CAST: variants seen among roughly 807,000 people sequenced by gnomAD.
The protein encoded by CAST is calpastatin.
A neutral mutation model predicts 119.6 loss-of-function variants in CAST; 76 were observed. That is an observed-to-expected ratio of 0.64 (90% CI 0.53 to 0.77). The LOEUF (loss-of-function observed/expected upper bound fraction) is 0.77, where lower values mean the gene tolerates loss of function less well. CAST is among the 30% of genes least tolerant of loss of function. CAST has a pLI of 0.00. For synonymous variants in CAST, 319 were observed against 331.6 expected, an observed-to-expected ratio of 0.96 and a Z score of 0.41; for missense variants, 953 against 946.5, an observed-to-expected ratio of 1.01 and a Z score of -0.09.
chr5:96,037,845 G>T, the CAST span, among the ~76,000 whole-genome samples: 1 of 152,068 alleles, frequency 6.6e-6, no homozygotes, highest in African/African-American at 2.4e-5. Flanking sequence ...TGCCTGGGGT[G>T]GATATCTAAG....
At chr5:96,636,049 A>T (rs1747880511) in intron 1 of CAST, among the ~76,000 whole-genome samples, 1 of 152,058 alleles carries the variant, frequency 6.6e-6, no homozygotes, top group Non-Finnish European at 1.5e-5. Flanking sequence ...TTCCTCTGTG[A>T]CTCTACTTCC....
chr5:96,755,999 T>G (rs946037220), intron 22 of CAST, among the ~76,000 whole-genome samples: 1 of 152,178 alleles, frequency 6.6e-6, no homozygotes, highest in Non-Finnish European at 1.5e-5. Flanking sequence ...GTAGTAGTGT[T>G]TAAGGAAGCA....
the CAST span, among the ~76,000 whole-genome samples, chr5:96,261,109 G>T: frequency 6.6e-6 from 1 of 152,116 alleles, no homozygotes; most frequent in Non-Finnish European, 1.5e-5. Context: ...CATGTGTTTT[G>T]CATCTCATTA....
the CAST span, chr5:96,410,713 A>G: frequency 1.3e-4 from 179 of 1,346,140 alleles, 1 homozygote; most frequent in East Asian, 3.7e-3. Context: ...TAGGGGAATC[A>G]TTTCACATGC....
chr5:96,260,066 C>T, the CAST span, among the ~76,000 whole-genome samples: 2 of 151,924 alleles, frequency 1.3e-5, no homozygotes, highest in African/African-American at 2.4e-5. Context: ...TTCTCAACCC[C>T]GCAGACATTA....
intron 1 of CAST, among the ~76,000 whole-genome samples, chr5:96,602,216 G>A (rs560383092): frequency 6.6e-6 from 1 of 152,212 alleles, no homozygotes; most frequent in Non-Finnish European, 1.5e-5. Flanking sequence ...GACATGACAA[G>A]TGTACATAGC....
chr5:96,426,075 G>A, the CAST span: 2 of 679,180 alleles, frequency 2.9e-6, no homozygotes, highest in Non-Finnish European at 5.3e-6. Context: ...TGGCACCTCA[G>A]TGAGAAGAAG....
chr5:96,055,856 A>T, the CAST span, among the ~76,000 whole-genome samples: 1 of 152,096 alleles, frequency 6.6e-6, no homozygotes, highest in South Asian at 2.1e-4. Context: ...ATAAAAATGG[A>T]GATAATAGGT....
At chr5:96,290,744 T>C in the CAST span, among the ~76,000 whole-genome samples, 3 of 152,226 alleles carry the variant, frequency 2.0e-5, no homozygotes, top group Non-Finnish European at 4.4e-5. Flanking sequence ...CCTTTCTCAG[T>C]TGGGGCAAGC....
At chr5:96,610,513 A>G (rs148640832) in intron 1 of CAST, among the ~76,000 whole-genome samples, 173 of 152,326 alleles carry the variant, frequency 1.1e-3, no homozygotes, top group African/African-American at 3.0e-3. Flanking sequence ...TCAAAGGAAC[A>G]TACCTCAAAA....
chr5:96,296,946 A>G, the CAST span, among the ~76,000 whole-genome samples: 4 of 152,144 alleles, frequency 2.6e-5, no homozygotes, highest in African/African-American at 7.2e-5. Context: ...TTGCTTCTCT[A>G]CATTCGATAA....
chr5:96,211,152 T>C, the CAST span, among the ~76,000 whole-genome samples: 1 of 152,142 alleles, frequency 6.6e-6, no homozygotes, highest in South Asian at 2.1e-4. Context: ...ATGTAATTTT[T>C]ATTTCCTTTT....
chr5:96,747,260 C>A, intron 17 of CAST, 85 bp from the exon 18 acceptor site: 1 of 739,784 alleles, frequency 1.4e-6, no homozygotes, highest in Non-Finnish European at 2.4e-6. Flanking sequence ...CATTTCATAT[C>A]CTGGAATTCC....
chr5:96,760,887 C>T (rs910192832), intron 24 of CAST: 10 of 151,618 alleles, frequency 6.6e-5, no homozygotes, highest in East Asian at 3.8e-4. Context: ...ATGATACATT[C>T]GGAAAATAAA....
the CAST span, among the ~76,000 whole-genome samples, chr5:96,095,556 C>CAAAAA: frequency 8.7e-5 from 5 of 57,542 alleles, no homozygotes; most frequent in Admixed American, 2.9e-4. Context: ...GACTCTGTTT[C>CAAAAA]AAAAAAAAAA....
chr5:96,267,919 T>G, the CAST span, among the ~76,000 whole-genome samples: 3 of 152,146 alleles, frequency 2.0e-5, no homozygotes, highest in Non-Finnish European at 4.4e-5. Context: ...AAAGTCAAAA[T>G]GTAGGAGGTA....
rs778524450 is a variant in CAST, at chr5:96,746,369, A to G, written c.1228A>G (p.Lys410Glu). Residue 410 changes from lysine (K) to glutamate (E), a missense_variant, in exon 17 of 32, where the codon AAG becomes GAG. Transcript: ENST00000675179. ...AAAAGCTAAAGAAGAAAAACTAGAG[A>G]AGTGTGGTGAGGATGATGAAACAAT... ...EAKAKEEKLE[K>E]CGEDDETIPS... 1.2e-6 allele frequency: 2 copies of G among 1,612,282 alleles called. No individual in the cohort carries two copies. Among genetic ancestry groups the G allele is most frequent in the South Asian group, 2.2e-5 (2 of 91,056 alleles).
intron 1 of CAST, among the ~76,000 whole-genome samples, chr5:96,668,442 T>C (rs1277922910): frequency 1.3e-5 from 2 of 152,220 alleles, no homozygotes; most frequent in Non-Finnish European, 2.9e-5. Context: ...GTTTACAGCC[T>C]TAGAAAATGA....
chr5:96,747,815 A>G (rs547846256), intron 18 of CAST, among the ~76,000 whole-genome samples: 1 of 152,184 alleles, frequency 6.6e-6, no homozygotes, highest in Admixed American at 6.5e-5. Flanking sequence ...TGCTTTTTGG[A>G]TATTATCTTT....
Sources: gnomAD v4.1 joint callset for allele counts (sites outside exome capture counted in the v4.1 genomes callset) on GRCh38, gnomAD v4.1.1 for gene constraint, MANE v1.5 for transcripts, NCBI Gene and HGNC (gene_info 2026-07-23, HGNC 2026-07-21) for gene names.